HS3ST4: variants seen among roughly 807,000 people sequenced by gnomAD.
The protein encoded by HS3ST4 is heparan sulfate glucosamine 3-O-sulfotransferase 4.
In HS3ST4, 17 loss-of-function variants were observed where a neutral mutation model predicts 29.2. That is an observed-to-expected ratio of 0.58 (90% CI 0.40 to 0.87). The LOEUF is 0.87. HS3ST4 is among the 40% of genes least tolerant of loss of function. HS3ST4 has a pLI of 0.00. For synonymous variants in HS3ST4, 314 were observed against 285.7 expected (o/e 1.10, Z -1.00); for missense variants, 627 against 634.5 (o/e 0.99, Z 0.13).
chr16:25,991,258 T>C (rs541081313), intron 1 of HS3ST4, among the ~76,000 whole-genome samples: 9 of 152,360 alleles, frequency 5.9e-5, no homozygotes, highest in African/African-American at 2.2e-4. Context: ...AGTGGAACAT[T>C]TCTTGCTTCA....
At chr16:25,792,003 T>A (rs758808119) in intron 1 of HS3ST4, among the ~76,000 whole-genome samples, 2 of 152,130 alleles carry the variant, frequency 1.3e-5, no homozygotes, top group Non-Finnish European at 1.5e-5. Flanking sequence ...GGGTTTTAGT[T>A]GCTTTTTTGT....
chr16:25,825,140 A>G (rs1457124272), intron 1 of HS3ST4, among the ~76,000 whole-genome samples: 1 of 152,240 alleles, frequency 6.6e-6, no homozygotes, highest in Non-Finnish European at 1.5e-5. Context: ...ATGTGACAAC[A>G]GAAGCCGAGA....
chr16:25,898,419 C>G (rs1195456626), intron 1 of HS3ST4, among the ~76,000 whole-genome samples: 1 of 152,192 alleles, frequency 6.6e-6, no homozygotes, highest in Non-Finnish European at 1.5e-5. Flanking sequence ...TTCCCATACA[C>G]TGGATCAAGA....
intron 1 of HS3ST4, among the ~76,000 whole-genome samples, chr16:25,834,981 A>T (rs560683088): frequency 2.6e-5 from 4 of 151,884 alleles, no homozygotes; most frequent in Non-Finnish European, 5.9e-5. Flanking sequence ...CAATAAACCA[A>T]CCATCCCTCC....
chr16:26,032,605 A>T, intron 1 of HS3ST4: 4 of 1,384,478 alleles, frequency 2.9e-6, no homozygotes, highest in Non-Finnish European at 4.1e-6. Flanking sequence ...CATTTTCTGC[A>T]GGGTTATTCC....
chr16:25,724,418 T>A (rs1966518098), intron 1 of HS3ST4, among the ~76,000 whole-genome samples: 1 of 151,176 alleles, frequency 6.6e-6, no homozygotes, highest in African/African-American at 2.4e-5. Flanking sequence ...AGCTGGAGTG[T>A]GATGGTACCA....
chr16:25,944,209 G>A (rs1437510201), intron 1 of HS3ST4, among the ~76,000 whole-genome samples: 5 of 152,312 alleles, frequency 3.3e-5, no homozygotes, highest in Admixed American at 3.3e-4. Flanking sequence ...CGCAGACACT[G>A]GAGAGTGGGT....
At position 25,692,836 on chromosome 16, in the gene HS3ST4, T is replaced by C. The variant is rs749477262; in HGVS notation, c.419T>C (p.Leu140Pro). The C allele has an allele frequency of 3.8e-4, 540 of 1,412,350 alleles. No homozygotes were observed. Among genetic ancestry groups the C allele is most frequent in the Middle Eastern group, 9.8e-4 (4 of 4,068 alleles). 87.5% of individuals were successfully genotyped at this position (1,412,350 alleles called of 1,614,324 possible). The change falls in exon 1 of 2, where the codon CTC (leucine) becomes CCC (proline). Residue 140 changes from leucine to proline, a missense_variant. Coordinates refer to ENST00000331351, the MANE Select transcript of HS3ST4 (RefSeq NM_006040.3). ...SGGGGAQDAW[L>P]RTPLAPSEMI... Reference sequence around the variant, plus strand: ...GGCGGAGGCGCCCAGGACGCCTGGCTCCGGACCCCGCTGGCCCCCAGCGAG... The same window carrying C: ...GGCGGAGGCGCCCAGGACGCCTGGCCCCGGACCCCGCTGGCCCCCAGCGAG...
intron 1 of HS3ST4, among the ~76,000 whole-genome samples, chr16:25,913,341 G>A (rs762415975): frequency 1.3e-5 from 2 of 152,228 alleles, no homozygotes; most frequent in Non-Finnish European, 2.9e-5. Flanking sequence ...AATGGGATTC[G>A]TGCCCTTTTA....
intron 1 of HS3ST4, among the ~76,000 whole-genome samples, chr16:26,113,064 G>T (rs1264687486): frequency 6.6e-6 from 1 of 152,190 alleles, no homozygotes; most frequent in Non-Finnish European, 1.5e-5. Flanking sequence ...TCAGAAAAAT[G>T]AGTAAGTAGT....
chr16:25,797,986 G>A (rs899468755), intron 1 of HS3ST4, among the ~76,000 whole-genome samples: 1 of 152,210 alleles, frequency 6.6e-6, no homozygotes, highest in Non-Finnish European at 1.5e-5. Context: ...CCATATGACA[G>A]GCTGGAAGAG....
In HS3ST4 at chr16:26,136,176, A is replaced by T. The variant is rs369043728; in HGVS notation, c.1299A>T (p.Lys433Asn). 1.2e-6 allele frequency: 2 copies of T among 1,613,116 alleles called. No individual in the cohort carries two copies. The highest frequency in any genetic ancestry group is 2.7e-5 in the African/African-American group (2 of 74,884). ...DVIHRLRKFYKPFNLMFYQMT... is the reference protein window; with the variant it reads ...DVIHRLRKFYNPFNLMFYQMT... ...TCCACAGACTGAGGAAATTCTACAAACCCTTCAACTTGATGTTTTACCAAA... is the reference window on the plus strand; with the variant it reads ...TCCACAGACTGAGGAAATTCTACAATCCCTTCAACTTGATGTTTTACCAAA... The change falls in exon 2 of 2, where the codon AAA (lysine) becomes AAT (asparagine). Residue 433 changes from lysine (K) to asparagine (N), a missense_variant. By Grantham distance (94) the Lys-to-Asn change is moderately conservative. Around this residue, in one of 2 missense-constraint regions of HS3ST4, gnomAD observed 225 missense variants for 293.7 expected, o/e 0.77. Coordinates refer to ENST00000331351, the MANE Select transcript of HS3ST4 (RefSeq NM_006040.3).
chr16:25,870,472 GTTGTCC>G (rs1158255501), intron 1 of HS3ST4, among the ~76,000 whole-genome samples: 10 of 152,222 alleles, frequency 6.6e-5, no homozygotes, highest in Admixed American at 5.2e-4. Context: ...GAATCAAATA[GTTGTCC>G]TTAGGAAAAA....
At chr16:26,092,227 T>G (rs568215539) in intron 1 of HS3ST4, among the ~76,000 whole-genome samples, 2 of 152,258 alleles carry the variant, frequency 1.3e-5, no homozygotes, top group South Asian at 2.1e-4. Flanking sequence ...TACACTTCTC[T>G]GGGCAGAAAA....
chr16:25,726,294 G>A (rs1966534001), intron 1 of HS3ST4, among the ~76,000 whole-genome samples: 1 of 151,706 alleles, frequency 6.6e-6, no homozygotes, highest in Admixed American at 6.6e-5. Context: ...TGAACAAGTG[G>A]GTACGAAACA....
intron 1 of HS3ST4, among the ~76,000 whole-genome samples, chr16:25,764,273 G>C (rs915611140): frequency 6.6e-6 from 1 of 152,198 alleles, no homozygotes; most frequent in East Asian, 1.9e-4. Flanking sequence ...AGCTGCAGGA[G>C]AAAGAGAGGG....
At chr16:25,904,583 A>T (rs1048385621) in intron 1 of HS3ST4, among the ~76,000 whole-genome samples, 1 of 152,242 alleles carries the variant, frequency 6.6e-6, no homozygotes, top group East Asian at 1.9e-4. Context: ...CTTCCCAGAT[A>T]TCCAAGGGCA....
chr16:26,105,092 A>T (rs1899035641), intron 1 of HS3ST4, among the ~76,000 whole-genome samples: 1 of 152,182 alleles, frequency 6.6e-6, no homozygotes, highest in Non-Finnish European at 1.5e-5. Flanking sequence ...GATGTCTCCC[A>T]CCCAGGTGCC....
At chr16:26,073,388 T>C (rs7200604) in intron 1 of HS3ST4, among the ~76,000 whole-genome samples, 8 of 76,812 alleles carry the variant, frequency 1.0e-4, no homozygotes, top group Middle Eastern at 7.6e-3. Context: ...TTTTCTTTTT[T>C]TTCTGTGACA....
Sources: gnomAD v4.1 joint callset for allele counts (sites outside exome capture counted in the v4.1 genomes callset) on GRCh38, gnomAD v4.1.1 for gene constraint, gnomAD v4.1.1 regional missense constraint, MANE v1.5 for transcripts, NCBI Gene and HGNC (gene_info 2026-07-23, HGNC 2026-07-21) for gene names.